CAND1: variants seen among roughly 807,000 people sequenced by gnomAD.
CAND1 encodes the protein cullin associated and neddylation dissociated 1, also known as cullin-associated NEDD8-dissociated protein 1.
In CAND1, 7 loss-of-function variants were observed where a neutral mutation model predicts 108.5. The ratio of observed to expected loss-of-function variants is 0.06; its 90% CI spans 0.04 to 0.12. The LOEUF (loss-of-function observed/expected upper bound fraction) is 0.12. Among genes scored for constraint, CAND1 ranks in the 10% least tolerant of loss-of-function variants. The pLI, the probability that CAND1 is intolerant of heterozygous loss-of-function variation, is 1.00. For synonymous variants in CAND1, 534 were observed against 512.0 expected (o/e 1.04, Z -0.58); for missense variants, 941 against 1,448.7 (o/e 0.65, Z 5.69).
intron 7 of CAND1, 72 bp from the exon 8 acceptor site, chr12:67,302,251 A>G (rs549636658): frequency 8.2e-5 from 112 of 1,367,962 alleles, no homozygotes; most frequent in Non-Finnish European, 9.9e-5. Context: ...AAGAATATCA[A>G]TTGATTTTCT....
At chr12:67,280,484 G>T (rs959103761) in intron 1 of CAND1, among the ~76,000 whole-genome samples, 1 of 152,058 alleles carries the variant, frequency 6.6e-6, no homozygotes, top group Non-Finnish European at 1.5e-5. Flanking sequence ...ACATTTCTCT[G>T]TAGTGTACAA....
intron 1 of CAND1, among the ~76,000 whole-genome samples, chr12:67,275,145 T>C (rs928452402): frequency 1.3e-5 from 2 of 152,054 alleles, no homozygotes; most frequent in African/African-American, 2.4e-5. Context: ...GGCTCACCAC[T>C]GAGAAAGAGG....
rs74494417 is a variant in CAND1 at position 67,274,920 on chromosome 12, C to T, written c.68+5135C>T. ...AAAGTACAGTGTGGGTGGGCATTTA[C>T]AATAACATAACAGGAAATAGTGAAA... On this transcript the variant is annotated intron_variant, in intron 1 of 14. Transcript: ENST00000545606. Among the ~76,000 whole-genome samples, 644 of 152,198 alleles carry T rather than the reference C, an allele frequency of 4.2e-3. 14 individuals are homozygous for T. The East Asian group carries it at 0.067, about 16-fold the overall frequency.
At position 67,269,716 on chromosome 12, in the gene CAND1, A is replaced by C; in HGVS notation, c.-2A>C. ...CCAGCAGGCGGGATCGAGGCCGTCA[A>C]CATGGCGAGCGCCTCGTACCACATT... is the stretch of plus-strand genomic sequence containing the variant. On this transcript the variant is annotated 5_prime_UTR_variant, in exon 1 of 15. Transcript: ENST00000545606. The C allele has an allele frequency of 6.2e-7, 1 of 1,602,550 alleles. No homozygotes were observed.
Position 67,313,711 on chromosome 12 carries a change from C to T in CAND1, c.*881C>T. The T allele has an allele frequency of 6.6e-6, 1 of 152,262 alleles. No individual in the cohort carries two copies. Among genetic ancestry groups the T allele is most frequent in the East Asian group, 1.9e-4 (1 of 5,192 alleles). The allele number at this position is 152,262 out of a possible 1,614,324, so 9.4% of individuals were successfully genotyped here. On this transcript the variant is annotated 3_prime_UTR_variant, in exon 15 of 15. Coordinates refer to ENST00000545606, the MANE Select transcript of CAND1 (RefSeq NM_018448.5). ...TGAATATTTAGTTTTTCTCAGTTAC[C>T]CATTTGTGTGTGTGTGATTCCACTT...
rs1490073327 is a variant in CAND1, at chr12:67,269,714, C to T, written c.-4C>T. 1.2e-6 allele frequency: 2 copies of T among 1,602,142 alleles called. No individual in the cohort carries two copies. Among genetic ancestry groups the T allele is most frequent in the African/African-American group, 1.4e-5 (1 of 73,240 alleles). Reference sequence around the variant, plus strand: ...CGCCAGCAGGCGGGATCGAGGCCGTCAACATGGCGAGCGCCTCGTACCACA... The same window carrying T: ...CGCCAGCAGGCGGGATCGAGGCCGTTAACATGGCGAGCGCCTCGTACCACA... On this transcript the variant is annotated 5_prime_UTR_variant, in exon 1 of 15. Coordinates refer to ENST00000545606, the MANE Select transcript of CAND1 (RefSeq NM_018448.5).
At position 67,313,271 on chromosome 12, in the gene CAND1, T is replaced by C. The variant is rs2044972527; in HGVS notation, c.*441T>C. The C allele has an allele frequency of 6.5e-6, 1 of 152,834 alleles. No individual in the cohort carries two copies. The highest frequency in any genetic ancestry group is 6.5e-5 in the Admixed American group (1 of 15,280). The allele number at this position is 152,834 out of a possible 1,614,324, so 9.5% of individuals were successfully genotyped here. A position where few individuals can be genotyped will look rare whatever the true frequency, so the allele number is the denominator to read the frequency against. On this transcript the variant is annotated 3_prime_UTR_variant, in exon 15 of 15. Transcript: ENST00000545606. ...TCTTTTTCTTGTATAACTTTTTGTTTTCAGCAACATAAATTGATTTTTAGC... is the reference window on the plus strand; with the variant it reads ...TCTTTTTCTTGTATAACTTTTTGTTCTCAGCAACATAAATTGATTTTTAGC...
At chr12:67,269,965 G>A (rs996553165) in intron 1 of CAND1, 180 bp downstream of exon 1, 1 of 554,180 alleles carries the variant, frequency 1.8e-6, no homozygotes, top group Non-Finnish European at 3.2e-6. Flanking sequence ...CTCCCCTCTT[G>A]CAACCCCCTC....
chr12:67,269,694 G>A lies in CAND1; in HGVS notation c.-24G>A. The A allele has an allele frequency of 6.3e-7, 1 of 1,592,748 alleles. No homozygotes were observed. On this transcript the variant is annotated 5_prime_UTR_variant, in exon 1 of 15. Coordinates refer to ENST00000545606, the MANE Select transcript of CAND1 (RefSeq NM_018448.5). ...GCGGGCAGCAGCTCCAGCAGCGCCA[G>A]CAGGCGGGATCGAGGCCGTCAACAT...
At chr12:67,271,586 A>G (rs984748747) in intron 1 of CAND1, among the ~76,000 whole-genome samples, 4 of 152,222 alleles carry the variant, frequency 2.6e-5, no homozygotes, top group African/African-American at 9.6e-5. Flanking sequence ...ACATGTACAT[A>G]CCTAGTTGTT....
intron 14 of CAND1, 53 bp from the exon 15 acceptor site, chr12:67,312,553 C>T (rs1244365091): frequency 2.5e-6 from 3 of 1,224,390 alleles, no homozygotes; most frequent in Non-Finnish European, 3.4e-6. Flanking sequence ...AAATTTTGTT[C>T]ATGTAAGAGC....
chr12:67,269,737 A>G lies in CAND1; in HGVS notation c.20A>G (p.His7Arg). Residue 7 changes from histidine (H) to arginine (R), a missense_variant, in exon 1 of 15, where the codon CAC becomes CGC. Transcript: ENST00000545606. MASASY[H>R]ISNLLEKMTS... Reference sequence around the variant, plus strand: ...GTCAACATGGCGAGCGCCTCGTACCACATTTCCAATTTGCTGGAAAAAATG... The same window carrying G: ...GTCAACATGGCGAGCGCCTCGTACCGCATTTCCAATTTGCTGGAAAAAATG... 6.2e-7 allele frequency: 1 copy of G among 1,606,688 alleles called. No individual in the cohort carries two copies. Among genetic ancestry groups the G allele is most frequent in the Non-Finnish European group, 8.5e-7 (1 of 1,177,662 alleles).
intron 13 of CAND1, 149 bp downstream of exon 13, chr12:67,310,465 G>C: frequency 1.8e-6 from 1 of 565,898 alleles, no homozygotes; most frequent in Non-Finnish European, 3.1e-6. Flanking sequence ...AAGTGCAAAA[G>C]TAATAGGCAG....
At chr12:67,307,309 A>C in intron 10 of CAND1, 88 bp from the exon 11 acceptor site, 1 of 849,468 alleles carries the variant, frequency 1.2e-6, no homozygotes, top group Non-Finnish European at 2.0e-6. Flanking sequence ...CATTGAAGAC[A>C]CTGGTGTTAT....
rs1160198342 is a variant in CAND1 at position 67,313,555 on chromosome 12, GAGAA to G, written c.*732_*735del. ...TTGCACAGAAAACACATTATCTGGA[GAGAA>G]AGAAAGGAGAATTTTTGAGACTTGG... is the stretch of plus-strand genomic sequence containing the variant. On this transcript the variant is annotated 3_prime_UTR_variant, in exon 15 of 15. Coordinates refer to ENST00000545606, the MANE Select transcript of CAND1 (RefSeq NM_018448.5). The G allele has an allele frequency of 7.9e-5, 12 of 152,714 alleles. No homozygotes were observed. Among genetic ancestry groups the G allele is most frequent in the Admixed American group, 3.3e-4 (5 of 15,294 alleles). The allele number at this position is 152,714 out of a possible 1,614,324, so 9.5% of individuals were successfully genotyped here. A position where few individuals can be genotyped will look rare whatever the true frequency, so the allele number is the denominator to read the frequency against.
At chr12:67,287,190 T>G (rs1365022486) in intron 2 of CAND1, among the ~76,000 whole-genome samples, 1 of 152,230 alleles carries the variant, frequency 6.6e-6, no homozygotes, top group African/African-American at 2.4e-5. Flanking sequence ...CTCCCAATTG[T>G]AACAATCAGA....
At chr12:67,298,360 G>A (rs1421817385) in intron 6 of CAND1, among the ~76,000 whole-genome samples, 1 of 140,016 alleles carries the variant, frequency 7.1e-6, no homozygotes, top group Admixed American at 6.7e-5. Flanking sequence ...GACTAATGCA[G>A]TAGCATGGTG....
Position 67,275,652 on chromosome 12 carries a change from T to C in CAND1, c.68+5867T>C, listed in dbSNP as rs530526509. ...GTAATTGGTGTACTGAGTGATAAAATTGACCATATCAACTAGATTTCTGGT... is the reference window on the plus strand; with the variant it reads ...GTAATTGGTGTACTGAGTGATAAAACTGACCATATCAACTAGATTTCTGGT... On this transcript the variant is annotated intron_variant, in intron 1 of 14. Transcript: ENST00000545606. 3.9e-5 allele frequency among the ~76,000 whole-genome samples: 6 copies of C among 152,282 alleles called. No homozygotes were observed. In the East Asian group the frequency reaches 1.2e-3, roughly 29 times the overall value.
chr12:67,270,767 TCTA>T, intron 1 of CAND1: 1 of 43,860 alleles, frequency 2.3e-5, no homozygotes, highest in African/African-American at 1.2e-4. Context: ...AAGTTCTCAA[TCTA>T]AAAAAAAAAA....
Sources: allele counts gnomAD v4.1 joint callset (sites outside exome capture counted in the v4.1 genomes callset), GRCh38; gene constraint gnomAD v4.1.1; transcripts MANE v1.5; gene names NCBI Gene and HGNC (gene_info 2026-07-23, HGNC 2026-07-21).